TNFRSF8: variants seen among roughly 807,000 people sequenced by gnomAD.
TNFRSF8 encodes the protein tumor necrosis factor receptor superfamily member 8.
In TNFRSF8, 26 loss-of-function variants were observed where a neutral mutation model predicts 70.8. That is an observed-to-expected ratio of 0.37 (90% CI 0.27 to 0.51). The LOEUF (loss-of-function observed/expected upper bound fraction) is 0.51. Among genes scored for constraint, TNFRSF8 ranks in the 20% least tolerant of loss-of-function variants. The pLI is 0.94. For synonymous variants in TNFRSF8, 356 were observed against 339.2 expected (o/e 1.05, Z -0.54); for missense variants, 720 against 807.9 (o/e 0.89, Z 1.32).
chr1:12,084,573 G>A (rs765396113), intron 2 of TNFRSF8, 22 bp downstream of exon 2: 5 of 1,603,934 alleles, frequency 3.1e-6, no homozygotes, highest in African/African-American at 1.3e-5. Context: ...CGTTGGGGGT[G>A]GGGAGAAGGG....
chr1:12,082,283 C>G (rs1046711487), intron 1 of TNFRSF8, among the ~76,000 whole-genome samples: 4 of 152,136 alleles, frequency 2.6e-5, no homozygotes, highest in Non-Finnish European at 4.4e-5. Context: ...AGGTGGCTCA[C>G]GCCTGTAATC....
Position 12,088,227 on chromosome 1 carries a change from T to C in TNFRSF8, c.151+3676T>C, listed in dbSNP as rs374626351. ...TCCCCAGCCCTTTGCTTACATACTC[T>C]TGGTGACGGGGAGCTCATTCACTGA... On this transcript the variant is annotated intron_variant, in intron 2 of 14. Transcript: ENST00000263932. The surrounding 1 kb of genome is among the most constrained non-coding windows in gnomAD (Gnocchi z 4.0). 7.2e-5 allele frequency among the ~76,000 whole-genome samples: 11 copies of C among 152,296 alleles called. No individual in the cohort carries two copies. The highest frequency in any genetic ancestry group is 2.6e-4 in the African/African-American group (11 of 41,558).
At chr1:12,098,969 T>A (rs1437435146) in intron 3 of TNFRSF8, among the ~76,000 whole-genome samples, 2 of 152,194 alleles carry the variant, frequency 1.3e-5, no homozygotes, top group Non-Finnish European at 2.9e-5. Flanking sequence ...AGCCTTAACA[T>A]TTTTTATTAT....
intron 14 of TNFRSF8, among the ~76,000 whole-genome samples, chr1:12,140,671 A>G (rs959199106): frequency 2.5e-4 from 38 of 152,126 alleles, no homozygotes; most frequent in African/African-American, 8.9e-4. Flanking sequence ...AGAGCAGCCA[A>G]TTCCACCGCT....
intron 8 of TNFRSF8, 77 bp downstream of exon 8, chr1:12,115,806 G>A: frequency 6.5e-7 from 1 of 1,532,144 alleles, no homozygotes; most frequent in Non-Finnish European, 8.9e-7. Flanking sequence ...CCCACCAACA[G>A]CCAGGGGTGG....
At chr1:12,089,841 C>A (rs1281384129) in intron 2 of TNFRSF8, among the ~76,000 whole-genome samples, 1 of 151,132 alleles carries the variant, frequency 6.6e-6, no homozygotes, top group Non-Finnish European at 1.5e-5. Flanking sequence ...ATCCATCTAC[C>A]CATCCACCCA....
chr1:12,064,637 A>T (rs570305691), intron 1 of TNFRSF8, among the ~76,000 whole-genome samples: 1 of 152,178 alleles, frequency 6.6e-6, no homozygotes, highest in South Asian at 2.1e-4. Context: ...CTATGGATCA[A>T]TTCTAGTCAT....
intron 1 of TNFRSF8, among the ~76,000 whole-genome samples, chr1:12,080,762 G>T (rs1181182990): frequency 2.6e-5 from 4 of 152,140 alleles, no homozygotes; most frequent in African/African-American, 9.7e-5. Flanking sequence ...GTTTCGCCAT[G>T]TTGGCCAGGC....
At chr1:12,121,329 A>G (rs1043138694) in intron 8 of TNFRSF8, among the ~76,000 whole-genome samples, 2 of 152,166 alleles carry the variant, frequency 1.3e-5, no homozygotes, top group East Asian at 3.9e-4. Context: ...TTGAGGAAAA[A>G]TCTGAGAGGC....
At chr1:12,082,766 A>G (rs1035212183) in intron 1 of TNFRSF8, among the ~76,000 whole-genome samples, 2 of 152,186 alleles carry the variant, frequency 1.3e-5, no homozygotes, top group African/African-American at 4.8e-5. Context: ...CTTAAACAGG[A>G]CAAAAAAAGG....
intron 8 of TNFRSF8, among the ~76,000 whole-genome samples, chr1:12,117,383 A>T (rs764491589): frequency 3.9e-5 from 6 of 152,178 alleles, no homozygotes; most frequent in Non-Finnish European, 7.4e-5. Flanking sequence ...GTGCCTGGCC[A>T]ACAATTGTCT....
At chr1:12,067,767 C>A (rs775771788) in intron 1 of TNFRSF8, among the ~76,000 whole-genome samples, 13 of 152,078 alleles carry the variant, frequency 8.5e-5, no homozygotes, top group Non-Finnish European at 1.6e-4. Flanking sequence ...TAGCTAGTTA[C>A]TCCATACAGT....
intron 13 of TNFRSF8, among the ~76,000 whole-genome samples, chr1:12,136,649 GAAAAAAA>G (rs55656730): frequency 2.5e-5 from 3 of 122,350 alleles, no homozygotes. Flanking sequence ...GACTCCATCT[GAAAAAAA>G]AAAAAAAAAA....
Position 12,115,619 on chromosome 1 carries a change from G to C in TNFRSF8, c.836G>C (p.Arg279Pro). The C allele has an allele frequency of 6.2e-7, 1 of 1,614,126 alleles. No individual in the cohort carries two copies. The highest frequency in any genetic ancestry group is 2.2e-5 in the East Asian group (1 of 44,880). The change falls in exon 8 of 15, where the codon CGC becomes CCC. Residue 279 changes from arginine (R) to proline (P), a missense_variant. By Grantham distance (103) the Arg-to-Pro change is moderately radical (BLOSUM62 -2). Transcript: ENST00000263932. ...EKTPCAWNSS[R>P]TCECRPGMIC... ...ACGCCATGTGCATGGAACTCCTCCC[G>C]CACCTGCGAATGTCGACCTGGCATG...
chr1:12,138,355 G>A lies in TNFRSF8; in HGVS notation c.1462G>A (p.Ala488Thr). The part of the protein sequence containing the change: ...AYLESLPLQD[A>T]SPAGGPSSPR... ...CCTGGAGAGCCTGCCGCTGCAGGAT[G>A]CCAGCCCGGCCGGGGGCCCCTCGTC... The change falls in exon 14 of 15, where the codon GCC (alanine) becomes ACC (threonine). Residue 488 changes from alanine (A) to threonine (T), a missense_variant. Ala to Thr is a moderately conservative substitution (Grantham distance 58). Coordinates refer to ENST00000263932, the MANE Select transcript of TNFRSF8 (RefSeq NM_001243.5). This position sits in a 1 kb window ranked among gnomAD's most constrained non-coding sequence, Gnocchi z 5.7. 6.2e-7 allele frequency: 1 copy of A among 1,613,752 alleles called. No homozygotes were observed. Among genetic ancestry groups the A allele is most frequent in the Non-Finnish European group, 8.5e-7 (1 of 1,179,926 alleles).
At chr1:12,089,784 A>G (rs1280554045) in intron 2 of TNFRSF8, among the ~76,000 whole-genome samples, 3 of 152,050 alleles carry the variant, frequency 2.0e-5, no homozygotes, top group African/African-American at 7.3e-5. Flanking sequence ...AAAAGCCCCT[A>G]TACCACTGGT....
intron 13 of TNFRSF8, among the ~76,000 whole-genome samples, chr1:12,137,059 C>G (rs956715062): frequency 2.6e-5 from 4 of 151,952 alleles, no homozygotes; most frequent in Admixed American, 6.6e-5. Flanking sequence ...GTGTTTGTGT[C>G]CCTGGGTACT....
In TNFRSF8 at chr1:12,141,794, A is replaced by T. The variant is rs1642258489; in HGVS notation, c.1544-493A>T. ...GGAGTGGGTGGTTTTTTTTTGGGGG[A>T]TTTCTCCTAACTACGTGGCGACCTT... On this transcript the variant is annotated intron_variant, in intron 14 of 14. Coordinates refer to ENST00000263932, the MANE Select transcript of TNFRSF8 (RefSeq NM_001243.5). The surrounding 1 kb of genome is among the most constrained non-coding windows in gnomAD (Gnocchi z 5.4). Among the ~76,000 whole-genome samples, 1 of 151,280 alleles carries T rather than the reference A, an allele frequency of 6.6e-6. No individual in the cohort carries two copies. The highest frequency in any genetic ancestry group is 1.5e-5 in the Non-Finnish European group (1 of 67,842).
rs1481800177 is a variant in TNFRSF8, at chr1:12,123,826, A to G, written c.1152A>G (p.Ala384=). Residue 384 remains alanine (A), a splice_region_variant and synonymous_variant, in exon 10 of 15, where the codon GCA becomes GCG. Transcript: ENST00000263932. ...CCACGGGGAAGCCCGTTCTGGATGC[A>G]GGTAATGGTCCCAGCCCACTCACCC... is the stretch of plus-strand genomic sequence containing the variant. The part of the protein sequence containing the change: ...LSSTGKPVLD[A]GPVLFWVILV... 1 of 1,561,140 alleles carries G rather than the reference A, an allele frequency of 6.4e-7. No individual in the cohort carries two copies. The highest frequency in any genetic ancestry group is 8.7e-7 in the Non-Finnish European group (1 of 1,152,108).
Sources: gnomAD v4.1 joint callset for allele counts (sites outside exome capture counted in the v4.1 genomes callset) on GRCh38, gnomAD v4.1.1 for gene constraint, Gnocchi (gnomAD v3.1) non-coding constraint, MANE v1.5 for transcripts, NCBI Gene and HGNC (gene_info 2026-07-23, HGNC 2026-07-21) for gene names.